CAPZA1: variants seen among roughly 807,000 people sequenced by gnomAD.
The protein encoded by CAPZA1 is F-actin-capping protein subunit alpha-1.
In CAPZA1, 10 loss-of-function variants were observed where a neutral mutation model predicts 40.8. The ratio of observed to expected loss-of-function variants is 0.25; its 90% CI spans 0.15 to 0.42. CAPZA1 has a LOEUF of 0.42. Among genes scored for constraint, CAPZA1 ranks in the 10% least tolerant of loss-of-function variants. The pLI is 1.00. For synonymous variants in CAPZA1, 98 were observed against 115.0 expected (o/e 0.85, Z 0.95); for missense variants, 277 against 353.8 (o/e 0.78, Z 1.74).
intron 3 of CAPZA1, among the ~76,000 whole-genome samples, chr1:112,652,044 C>T (rs1325161929): frequency 6.6e-6 from 1 of 151,886 alleles, no homozygotes; most frequent in Non-Finnish European, 1.5e-5. Context: ...TCACTTGAAT[C>T]CGGAAGGCAG....
Position 112,670,374 on chromosome 1 carries a change from T to TTTTTTTTTTTTTTTTA in CAPZA1, c.*249_*250insTTTTTTTTATTTTTTT, listed in dbSNP as rs1671806740. Reference sequence around the variant, plus strand: ...TAAATCTTTTTTTCTTTTTTTTTTTTTTTTTTTGGTTAATTCTGCCACATT... The same window carrying TTTTTTTTTTTTTTTTA: ...TAAATCTTTTTTTCTTTTTTTTTTTTTTTTTTTTTTTTTTTATTTTTTTGGTTAATTCTGCCACATT... On this transcript the variant is annotated 3_prime_UTR_variant, in exon 10 of 10. Coordinates refer to ENST00000263168, the MANE Select transcript of CAPZA1 (RefSeq NM_006135.3). 1 of 418,938 alleles carries TTTTTTTTTTTTTTTTA rather than the reference T, an allele frequency of 2.4e-6. No individual in the cohort carries two copies. Among genetic ancestry groups the TTTTTTTTTTTTTTTTA allele is most frequent in the African/African-American group, 2.2e-5 (1 of 46,120 alleles). 26.0% of individuals were successfully genotyped at this position (418,938 alleles called of 1,614,324 possible).
chr1:112,634,668 A>G (rs1276681204), intron 1 of CAPZA1: 3 of 152,170 alleles, frequency 2.0e-5, no homozygotes, highest in South Asian at 2.1e-4. Context: ...AGATTTGACC[A>G]TATATTGTCT....
intron 1 of CAPZA1, among the ~76,000 whole-genome samples, chr1:112,644,198 T>C (rs1671237649): frequency 1.5e-5 from 2 of 137,136 alleles, no homozygotes; most frequent in South Asian, 5.1e-4. Flanking sequence ...TTTTTTTTTT[T>C]TTTTTTTTTT....
intron 8 of CAPZA1, among the ~76,000 whole-genome samples, chr1:112,667,459 T>C (rs2101193315): frequency 6.6e-6 from 1 of 152,328 alleles, no homozygotes; most frequent in South Asian, 2.1e-4. Flanking sequence ...AACTGCATCC[T>C]ATAGGGCTGC....
intron 3 of CAPZA1, 47 bp from the exon 4 acceptor site, chr1:112,653,551 C>G (rs773537105): frequency 9.0e-7 from 1 of 1,110,290 alleles, no homozygotes; most frequent in Non-Finnish European, 1.3e-6. Flanking sequence ...TCTTTTCTCT[C>G]TCCCTCTTTT....
At chr1:112,637,013 A>G (rs1234423889) in intron 1 of CAPZA1, among the ~76,000 whole-genome samples, 2 of 152,242 alleles carry the variant, frequency 1.3e-5, no homozygotes, top group Admixed American at 6.5e-5. Context: ...CTTGGTTAAA[A>G]CAGTCTAAAA....
intron 7 of CAPZA1, among the ~76,000 whole-genome samples, chr1:112,661,415 C>A (rs771091361): frequency 6.6e-6 from 1 of 152,188 alleles, no homozygotes; most frequent in Non-Finnish European, 1.5e-5. Context: ...TGCTCATAAA[C>A]GTACCTCTAA....
At chr1:112,644,813 A>G (rs1213522344) in intron 1 of CAPZA1, among the ~76,000 whole-genome samples, 1 of 152,206 alleles carries the variant, frequency 6.6e-6, no homozygotes, top group Non-Finnish European at 1.5e-5. Context: ...ATTACTATGT[A>G]TAGATACTGC....
intron 1 of CAPZA1, among the ~76,000 whole-genome samples, chr1:112,643,094 CA>C (rs34443777): frequency 0.72 from 108,494 of 151,266 alleles, 39,290 homozygotes; most frequent in South Asian, 0.86. Flanking sequence ...ACAAATAGAC[CA>C]AAAAAAAAGG....
At chr1:112,622,883 C>CT (rs1185251876) in intron 1 of CAPZA1, among the ~76,000 whole-genome samples, 3,822 of 139,606 alleles carry the variant, frequency 0.027, 75 homozygotes, top group African/African-American at 0.053. Flanking sequence ...ATATTTTATA[C>CT]TTTTTTTTTT....
In CAPZA1 at chr1:112,670,316, C is replaced by T; in HGVS notation, c.*184C>T. ...GTCTTGATTCTTTTGTGTTCTCTGCCTTGTAATTTTCTGTTACTGCTATAT... is the reference window on the plus strand; with the variant it reads ...GTCTTGATTCTTTTGTGTTCTCTGCTTTGTAATTTTCTGTTACTGCTATAT... On this transcript the variant is annotated 3_prime_UTR_variant, in exon 10 of 10. Coordinates refer to ENST00000263168, the MANE Select transcript of CAPZA1 (RefSeq NM_006135.3). The T allele has an allele frequency of 2.1e-6, 1 of 479,112 alleles. No homozygotes were observed. Among genetic ancestry groups the T allele is most frequent in the South Asian group, 3.9e-5 (1 of 25,902 alleles). 29.7% of individuals were successfully genotyped at this position (479,112 alleles called of 1,614,324 possible). A position where few individuals can be genotyped will look rare whatever the true frequency, so the allele number is the denominator to read the frequency against.
chr1:112,666,566 T>C (rs1345786850), intron 7 of CAPZA1, among the ~76,000 whole-genome samples: 1 of 152,248 alleles, frequency 6.6e-6, no homozygotes, highest in Non-Finnish European at 1.5e-5. Context: ...GATTTACCAA[T>C]AAAATATTTG....
intron 9 of CAPZA1, 76 bp downstream of exon 9, chr1:112,669,681 G>A (rs2101195784): frequency 2.8e-6 from 3 of 1,083,904 alleles, no homozygotes; most frequent in Non-Finnish European, 4.2e-6. Flanking sequence ...GTTAGGCCTT[G>A]TGTCCTTTAA....
intron 7 of CAPZA1, among the ~76,000 whole-genome samples, chr1:112,664,113 T>A (rs966421976): frequency 6.6e-6 from 1 of 151,358 alleles, no homozygotes; most frequent in Non-Finnish European, 1.5e-5. Context: ...GCACCTGTAG[T>A]CCCAGCTACG....
At position 112,632,555 on chromosome 1, in the gene CAPZA1, CAG is replaced by C. The variant is rs544889163; in HGVS notation, c.39+12673_39+12674del. Among the ~76,000 whole-genome samples, 10 of 151,868 alleles carry C rather than the reference CAG, an allele frequency of 6.6e-5. No individual in the cohort carries two copies. In the South Asian group the frequency reaches 1.2e-3, roughly 19 times the overall value. The stretch of plus-strand genomic sequence containing the variant: ...AAAACTGGGCTAGGCAGGCCAAAGA[CAG>C]GGGGATGTGGGGCAGGGAGGCGGGG... On this transcript the variant is annotated intron_variant, in intron 1 of 9. Transcript: ENST00000263168.
In CAPZA1 at chr1:112,669,523, C is replaced by A. The variant is rs759014458; in HGVS notation, c.658-20C>A. 2 of 1,585,246 alleles carry A rather than the reference C, an allele frequency of 1.3e-6. No individual in the cohort carries two copies. Among genetic ancestry groups the A allele is most frequent in the South Asian group, 2.2e-5 (2 of 89,910 alleles). On this transcript the variant is annotated intron_variant, in intron 8 of 9. Transcript: ENST00000263168. ...CATTAAAAAAAAATCTGATTTTCCCCTTCTTCCTTCCTTCATTAGAATGAA... is the reference window on the plus strand; with the variant it reads ...CATTAAAAAAAAATCTGATTTTCCCATTCTTCCTTCCTTCATTAGAATGAA...
At chr1:112,623,681 C>CAA (rs1190278316) in intron 1 of CAPZA1, among the ~76,000 whole-genome samples, 12 of 87,770 alleles carry the variant, frequency 1.4e-4, no homozygotes, top group Admixed American at 1.1e-3. Context: ...AACTCCGTCT[C>CAA]AAAAAAAAAA....
intron 1 of CAPZA1, among the ~76,000 whole-genome samples, chr1:112,629,798 C>G (rs979854635): frequency 1.3e-5 from 2 of 152,192 alleles, no homozygotes; most frequent in African/African-American, 2.4e-5. Flanking sequence ...ATCCTCTGTT[C>G]TACCAAACAA....
At position 112,660,633 on chromosome 1, in the gene CAPZA1, A is replaced by G. The variant is rs140164996; in HGVS notation, c.585+854A>G. On this transcript the variant is annotated intron_variant, in intron 7 of 9. Transcript: ENST00000263168. ...GGGTAGACAGGCAGCTGAATAAGATAGCTGTTAACTCATTTGATGCCTGTC... is the reference window on the plus strand; with the variant it reads ...GGGTAGACAGGCAGCTGAATAAGATGGCTGTTAACTCATTTGATGCCTGTC... Among the ~76,000 whole-genome samples the G allele has an allele frequency of 4.1e-3, 626 of 152,266 alleles. 3 individuals are homozygous for G. The highest frequency in any genetic ancestry group is 0.015 in the African/African-American group (605 of 41,554).
Sources: allele counts gnomAD v4.1 joint callset (sites outside exome capture counted in the v4.1 genomes callset), GRCh38; gene constraint gnomAD v4.1.1; transcripts MANE v1.5; gene names NCBI Gene and HGNC (gene_info 2026-07-23, HGNC 2026-07-21).